The following CERKL variants were observed in gnomAD, a reference collection of about 807,000 sequenced individuals.
The protein encoded by CERKL is ceramide kinase-like protein.
A neutral mutation model predicts 63.4 loss-of-function variants in CERKL; 61 were observed. The ratio of observed to expected loss-of-function variants is 0.96; its 90% confidence interval spans 0.78 to 1.19. The LOEUF (loss-of-function observed/expected upper bound fraction) is 1.19, where lower values mean the gene tolerates loss of function less well. CERKL is among the 50% of genes most tolerant of loss of function. The probability of loss-of-function intolerance (pLI) is 0.00; values close to 1 mark genes in which losing one functional copy is unlikely to be tolerated. For synonymous variants in CERKL, 250 were observed against 230.5 expected, an observed-to-expected ratio of 1.08 and a Z score of -0.77; for missense variants, 675 against 655.5, an observed-to-expected ratio of 1.03 and a Z score of -0.33.
intron 3 of CERKL, among the ~76,000 whole-genome samples, chr2:181,572,724 C>T (rs1037842599): frequency 2.0e-5 from 3 of 150,856 alleles, no homozygotes; most frequent in East Asian, 1.9e-4. Flanking sequence ...TAGTTTCTCT[C>T]GAACCTCTAT....
chr2:181,609,648 G>A (rs1362897020), intron 1 of CERKL, among the ~76,000 whole-genome samples: 2 of 151,712 alleles, frequency 1.3e-5, no homozygotes, highest in East Asian at 1.9e-4. Flanking sequence ...GGAGGTTGCA[G>A]TGAGCCAAGT....
At position 181,651,301 on chromosome 2, in the gene CERKL, A is replaced by C. The variant is rs114690878; in HGVS notation, c.238+5468T>G. On this transcript the variant is annotated intron_variant, in intron 1 of 12. Transcript: ENST00000410087. ...ATATTAGCAAACCAAATCCAACAGC[A>C]CATTAGAAAGATAACTTGCTACATT... Among the ~76,000 whole-genome samples, 1,013 of 152,362 alleles carry C rather than the reference A, an allele frequency of 6.6e-3. 16 individuals are homozygous for C. Among genetic ancestry groups the C allele is most frequent in the African/African-American group, 0.023 (968 of 41,586 alleles).
At chr2:181,589,496 T>C (rs1472575548) in intron 2 of CERKL, among the ~76,000 whole-genome samples, 3 of 152,236 alleles carry the variant, frequency 2.0e-5, no homozygotes, top group Admixed American at 2.0e-4. Flanking sequence ...GTTTTCTTTC[T>C]AGGAAGAAAG....
chr2:181,573,868 C>T lies in CERKL; in HGVS notation c.498G>A (p.Pro166=), dbSNP rs372708712. The T allele has an allele frequency of 3.2e-5, 51 of 1,612,286 alleles. No individual in the cohort carries two copies. Among genetic ancestry groups the T allele is most frequent in the Non-Finnish European group, 3.7e-5 (44 of 1,179,188 alleles). ...KKILAGFPNR[P]KSLKILLNPQ... ...GGTTAAGGAGTATTTTTAATGACTT[C>T]GGTCTGTTTGGAAAGCCTAAGAAGA... Residue 166 remains proline (P), a synonymous_variant, in exon 3 of 13, where the codon CCG becomes CCA. Coordinates refer to ENST00000410087, the MANE Select transcript of CERKL (RefSeq NM_201548.5).
In CERKL at chr2:181,537,545, T is replaced by C. The variant is rs1283758610; in HGVS notation, c.*639A>G. The C allele has an allele frequency of 2.3e-6, 1 of 444,228 alleles. No homozygotes were observed. The highest frequency in any genetic ancestry group is 2.4e-5 in the Admixed American group (1 of 41,336). The allele number at this position is 444,228 out of a possible 1,614,324, so 27.5% of individuals were successfully genotyped here. On this transcript the variant is annotated 3_prime_UTR_variant, in exon 13 of 13. Transcript: ENST00000410087. ...GATTTTGAAATTTAACTGCTCTGGA[T>C]TAGGGAGCAGTGAATCAAGGCAGAC...
At chr2:181,637,778 A>C (rs1687245040) in intron 1 of CERKL, among the ~76,000 whole-genome samples, 1 of 152,188 alleles carries the variant, frequency 6.6e-6, no homozygotes, top group African/African-American at 2.4e-5. Context: ...ATGCCTAAAC[A>C]TCAAAAGCAA....
At chr2:181,629,747 T>C (rs1013530864) in intron 1 of CERKL, among the ~76,000 whole-genome samples, 6 of 152,108 alleles carry the variant, frequency 3.9e-5, no homozygotes, top group African/African-American at 1.4e-4. Context: ...AGGGCTACTA[T>C]TTCTCCTGTC....
At chr2:181,594,170 A>G (rs1685097780) in intron 2 of CERKL, among the ~76,000 whole-genome samples, 1 of 152,196 alleles carries the variant, frequency 6.6e-6, no homozygotes, top group African/African-American at 2.4e-5. Flanking sequence ...TTAGAAATAA[A>G]AAATAAAATT....
Position 181,558,471 on chromosome 2 carries a change from G to T in CERKL, c.820+95C>A. ...CAGAAGTCTGGATCTTTCAAAGTCT[G>T]TTCATTAATTCTGTGTTGTGCTGTC... On this transcript the variant is annotated intron_variant, in intron 5 of 12. Coordinates refer to ENST00000410087, the MANE Select transcript of CERKL (RefSeq NM_201548.5). The surrounding 1 kb of genome is among the most constrained non-coding windows in gnomAD (Gnocchi z 4.2). 1 of 1,355,236 alleles carries T rather than the reference G, an allele frequency of 7.4e-7. No individual in the cohort carries two copies. Among genetic ancestry groups the T allele is most frequent in the Non-Finnish European group, 1.0e-6 (1 of 955,834 alleles). 84.0% of individuals were successfully genotyped at this position (1,355,236 alleles called of 1,614,324 possible). A position where few individuals can be genotyped will look rare whatever the true frequency, so the allele number is the denominator to read the frequency against.
intron 1 of CERKL, among the ~76,000 whole-genome samples, chr2:181,625,887 A>G (rs1309614109): frequency 6.6e-6 from 1 of 152,246 alleles, no homozygotes; most frequent in African/African-American, 2.4e-5. Flanking sequence ...AATTTAATCT[A>G]AAGTTTCTTT....
chr2:181,554,926 A>G (rs1688141322), intron 5 of CERKL, among the ~76,000 whole-genome samples: 1 of 152,166 alleles, frequency 6.6e-6, no homozygotes, highest in African/African-American at 2.4e-5. Context: ...AGATGGAATT[A>G]GAATGCTAGA....
chr2:181,615,725 A>G (rs1337427523), intron 1 of CERKL, among the ~76,000 whole-genome samples: 1 of 152,254 alleles, frequency 6.6e-6, no homozygotes, highest in Non-Finnish European at 1.5e-5. Flanking sequence ...CAAGGGACCA[A>G]TAAATTTAAA....
chr2:181,641,483 C>T (rs187090072), intron 1 of CERKL, among the ~76,000 whole-genome samples: 1 of 151,836 alleles, frequency 6.6e-6, no homozygotes, highest in Non-Finnish European at 1.5e-5. Context: ...GCTACCGTGG[C>T]CAGCCCACGA....
intron 6 of CERKL, among the ~76,000 whole-genome samples, chr2:181,549,355 A>G (rs1386392067): frequency 1.3e-5 from 2 of 152,154 alleles, no homozygotes; most frequent in African/African-American, 4.8e-5. Context: ...AATGTTCTTC[A>G]TCTGGTTATA....
intron 3 of CERKL, among the ~76,000 whole-genome samples, chr2:181,568,671 T>TA (rs1688767554): frequency 7.7e-5 from 1 of 12,956 alleles, no homozygotes; most frequent in South Asian, 6.3e-3. Context: ...GAGTATTTTC[T>TA]TTTTTTTTTT....
chr2:181,597,077 T>C (rs1200999623), intron 2 of CERKL, among the ~76,000 whole-genome samples: 3 of 152,182 alleles, frequency 2.0e-5, no homozygotes, highest in African/African-American at 7.2e-5. Context: ...TGATAGTTTG[T>C]TATGTCTGCA....
In CERKL at chr2:181,538,055, C is replaced by T; in HGVS notation, c.*129G>A. ...AACAGTTCATCCTGAAACCATTCCC[C>T]CATCCACGGAAAAATTGTCTTCCAT... On this transcript the variant is annotated 3_prime_UTR_variant, in exon 13 of 13. Transcript: ENST00000410087. The T allele has an allele frequency of 4.2e-6, 3 of 707,954 alleles. No homozygotes were observed. The highest frequency in any genetic ancestry group is 1.5e-5 in the South Asian group (1 of 66,954). 43.9% of individuals were successfully genotyped at this position (707,954 alleles called of 1,614,324 possible). A position where few individuals can be genotyped will look rare whatever the true frequency, so the allele number is the denominator to read the frequency against.
chr2:181,540,107 A>AT (rs907828885), intron 11 of CERKL, among the ~76,000 whole-genome samples: 5 of 152,162 alleles, frequency 3.3e-5, no homozygotes, highest in Admixed American at 2.6e-4. Context: ...CAACACCCAT[A>AT]TTTTACATAT....
At chr2:181,547,932 G>T (rs1687807882) in intron 8 of CERKL, 85 bp from the exon 9 acceptor site, 4 of 1,083,872 alleles carry the variant, frequency 3.7e-6, no homozygotes, top group African/African-American at 2.2e-5. Context: ...TTAAATATGA[G>T]AAAATTAGAG....
Sources: allele counts gnomAD v4.1 joint callset (sites outside exome capture counted in the v4.1 genomes callset), GRCh38; gene constraint gnomAD v4.1.1; non-coding constraint Gnocchi (gnomAD v3.1); transcripts MANE v1.5; gene names NCBI Gene and HGNC (gene_info 2026-07-23, HGNC 2026-07-21).